PAM: variants seen among roughly 807,000 people sequenced by gnomAD.
PAM encodes the protein peptidyl-glycine alpha-amidating monooxygenase.
A neutral mutation model predicts 122.1 loss-of-function variants in PAM; 72 were observed. The observed-to-expected ratio is 0.59, with a 90% confidence interval of 0.49 to 0.72. The LOEUF is 0.72. PAM is among the 30% of genes least tolerant of loss of function. PAM has a pLI of 0.00. For missense variants in PAM, 1,106 were observed against 1,183.7 expected (o/e 0.93, Z 0.96); for synonymous variants, 389 against 404.4 (o/e 0.96, Z 0.46).
At chr5:102,871,991 G>A (rs532563671) in intron 3 of PAM, among the ~76,000 whole-genome samples, 2 of 152,004 alleles carry the variant, frequency 1.3e-5, no homozygotes, top group African/African-American at 2.4e-5. Context: ...TATCTTCCTT[G>A]AGCCTAATTT....
chr5:103,005,932 TTGC>T (rs1305028334), intron 18 of PAM, among the ~76,000 whole-genome samples: 1 of 145,304 alleles, frequency 6.9e-6, no homozygotes, highest in East Asian at 1.9e-4. Flanking sequence ...GTTGTTGTTG[TTGC>T]TGTTGTTGTT....
intron 1 of PAM, among the ~76,000 whole-genome samples, chr5:102,840,552 A>G (rs1778307035): frequency 1.3e-5 from 2 of 152,354 alleles, no homozygotes; most frequent in South Asian, 4.1e-4. Context: ...GATTGAGTTT[A>G]GCTGCATAGA....
At chr5:102,827,135 T>C (rs1773900456) in intron 1 of PAM, among the ~76,000 whole-genome samples, 1 of 152,254 alleles carries the variant, frequency 6.6e-6, no homozygotes, top group Non-Finnish European at 1.5e-5. Context: ...ATCCTCTTTC[T>C]ATGAGACAGC....
intron 1 of PAM, among the ~76,000 whole-genome samples, chr5:102,824,739 GAC>G (rs1440180686): frequency 6.6e-6 from 1 of 151,786 alleles, no homozygotes; most frequent in African/African-American, 2.4e-5. Flanking sequence ...AAATACAGGT[GAC>G]AGTGTTTCCT....
rs555170429 is a variant in PAM, at chr5:102,992,964, G to T, written c.1613+2563G>T. 2.6e-5 allele frequency among the ~76,000 whole-genome samples: 4 copies of T among 151,936 alleles called. No individual in the cohort carries two copies. In the South Asian group the frequency reaches 8.3e-4, roughly 31 times the overall value. On this transcript the variant is annotated intron_variant, in intron 16 of 25. Coordinates refer to ENST00000438793, the MANE Select transcript of PAM (RefSeq NM_001177306.2). ...CCTAATTAATACTCAGTACCCAAAG[G>T]TTCTTTAATATCATTGCATCAGCTG... is the stretch of plus-strand genomic sequence containing the variant.
At chr5:102,866,581 T>C (rs1420414910) in intron 2 of PAM, 17 of 353,068 alleles carry the variant, frequency 4.8e-5, no homozygotes, top group Non-Finnish European at 1.4e-5. Flanking sequence ...GAATGCCTGC[T>C]TGTTTATAAC....
chr5:102,949,234 T>C (rs1445606007), intron 9 of PAM, among the ~76,000 whole-genome samples: 2 of 152,126 alleles, frequency 1.3e-5, no homozygotes, highest in African/African-American at 4.8e-5. Flanking sequence ...TTTTTAAGCT[T>C]TCTCAACTGG....
intron 12 of PAM, among the ~76,000 whole-genome samples, chr5:102,956,896 C>A (rs1235974159): frequency 2.0e-5 from 3 of 151,822 alleles, no homozygotes; most frequent in South Asian, 4.2e-4. Context: ...AAAAACAAAT[C>A]CTTCCAAATA....
chr5:102,903,060 C>CA (rs1404371722), intron 4 of PAM, among the ~76,000 whole-genome samples: 1 of 151,558 alleles, frequency 6.6e-6, no homozygotes. Flanking sequence ...ACATAAAGGT[C>CA]TATATTAGAA....
intron 14 of PAM, among the ~76,000 whole-genome samples, chr5:102,961,977 G>A (rs1370511133): frequency 6.6e-6 from 1 of 151,796 alleles, no homozygotes; most frequent in Non-Finnish European, 1.5e-5. Context: ...TCATGTTAAT[G>A]CAAACCCACT....
intron 1 of PAM, among the ~76,000 whole-genome samples, chr5:102,784,596 C>G (rs1759989621): frequency 6.6e-6 from 1 of 152,164 alleles, no homozygotes; most frequent in African/African-American, 2.4e-5. Context: ...ATATTCCCAG[C>G]AGAGAATGTA....
At chr5:102,867,028 T>C (rs1188857921) in intron 2 of PAM, among the ~76,000 whole-genome samples, 2 of 152,212 alleles carry the variant, frequency 1.3e-5, no homozygotes, top group Admixed American at 6.5e-5. Flanking sequence ...GAATGGAGTT[T>C]TAAATGTAGC....
At position 102,890,684 on chromosome 5, in the gene PAM, AAGCCTG is replaced by A. The variant is rs139073090; in HGVS notation, c.211-10669_211-10664del. Among the ~76,000 whole-genome samples the A allele has an allele frequency of 5.8e-3, 889 of 152,050 alleles. 5 individuals are homozygous for A. Among genetic ancestry groups the A allele is most frequent in the African/African-American group, 0.02 (848 of 41,548 alleles). ...TGTGGATTTGTGCATGTGTATTTGT[AAGCCTG>A]AGAAAACATAAGAAAATAAAGCCGA... On this transcript the variant is annotated intron_variant, in intron 3 of 25. Coordinates refer to ENST00000438793, the MANE Select transcript of PAM (RefSeq NM_001177306.2).
intron 4 of PAM, among the ~76,000 whole-genome samples, chr5:102,909,845 C>A (rs545622432): frequency 6.6e-6 from 1 of 152,002 alleles, no homozygotes; most frequent in South Asian, 2.1e-4. Flanking sequence ...CTAATACATA[C>A]AAGCAACAAT....
intron 1 of PAM, among the ~76,000 whole-genome samples, chr5:102,794,865 T>A (rs1285695378): frequency 6.6e-6 from 1 of 151,942 alleles, no homozygotes; most frequent in Non-Finnish European, 1.5e-5. Context: ...CATTAGCTGG[T>A]TGCTCCAAAG....
intron 1 of PAM, among the ~76,000 whole-genome samples, chr5:102,764,604 A>C (rs992522377): frequency 2.6e-5 from 4 of 152,196 alleles, no homozygotes; most frequent in African/African-American, 7.2e-5. Context: ...GAAAAGTGTT[A>C]AGAATGTCTT....
intron 3 of PAM, among the ~76,000 whole-genome samples, chr5:102,882,707 G>A (rs1201285735): frequency 2.0e-5 from 3 of 152,058 alleles, no homozygotes; most frequent in African/African-American, 7.2e-5. Context: ...TTGCTGTGCA[G>A]AAGCCTTTTA....
intron 1 of PAM, among the ~76,000 whole-genome samples, chr5:102,758,824 C>T (rs972305052): frequency 5.3e-4 from 81 of 152,168 alleles, no homozygotes; most frequent in African/African-American, 1.8e-3. Flanking sequence ...TTAGTTTCTC[C>T]AGGGTAGGGG....
chr5:102,939,730 T>C (rs1039598138), intron 7 of PAM, among the ~76,000 whole-genome samples: 1 of 152,082 alleles, frequency 6.6e-6, no homozygotes, highest in Non-Finnish European at 1.5e-5. Context: ...ATGTTCAAAG[T>C]GTATTCCCTA....
Sources: allele counts gnomAD v4.1 joint callset (sites outside exome capture counted in the v4.1 genomes callset), GRCh38; gene constraint gnomAD v4.1.1; transcripts MANE v1.5; gene names NCBI Gene and HGNC (gene_info 2026-07-23, HGNC 2026-07-21).